Variants in PPP2R2C observed in about 807,000 individuals in gnomAD.
PPP2R2C encodes protein phosphatase 2, regulatory subunit B, gamma.
In PPP2R2C, 10 loss-of-function variants were observed where a neutral mutation model predicts 45.3. That is an observed-to-expected ratio of 0.22 (90% CI 0.14 to 0.37). The LOEUF (loss-of-function observed/expected upper bound fraction) is 0.37. Ranked by LOEUF, PPP2R2C falls within the 10% of genes least tolerant of loss-of-function variation. PPP2R2C has a pLI of 1.00. For missense variants in PPP2R2C, 308 were observed against 619.7 expected (o/e 0.50, Z 5.34); for synonymous variants, 257 against 245.4 (o/e 1.05, Z -0.44).
chr4:6,471,310 C>A lies in PPP2R2C; in HGVS notation c.70+850G>T, dbSNP rs1387371003. ...GTCCCCATCCTCCATCGGGGTCACT[C>A]CGCGGGCCCTGCCTGCGCACGGAAG... On this transcript the variant is annotated intron_variant, in intron 1 of 8. Coordinates refer to ENST00000382599, the MANE Select transcript of PPP2R2C (RefSeq NM_020416.4). This position sits in a 1 kb window ranked among gnomAD's most constrained non-coding sequence, Gnocchi z 5.6. Among the ~76,000 whole-genome samples, 1 of 152,186 alleles carries A rather than the reference C, an allele frequency of 6.6e-6. No homozygotes were observed. The highest frequency in any genetic ancestry group is 1.5e-5 in the Non-Finnish European group (1 of 68,034).
Position 6,444,277 on chromosome 4 carries a change from G to A in PPP2R2C, c.70+27883C>T, listed in dbSNP as rs539907971. ...ACCATTACAGGAGGTCTGCTCCCGC[G>A]GAGATCAGGGAGGCCTGGGCCAGAC... On this transcript the variant is annotated intron_variant, in intron 1 of 8. Transcript: ENST00000382599. 1.1e-4 allele frequency among the ~76,000 whole-genome samples: 16 copies of A among 152,336 alleles called. No homozygotes were observed. The East Asian group carries it at 2.5e-3, about 24-fold the overall frequency.
intron 6 of PPP2R2C, among the ~76,000 whole-genome samples, chr4:6,336,153 C>T (rs893137166): frequency 3.3e-5 from 5 of 152,044 alleles, no homozygotes; most frequent in Admixed American, 6.5e-5. Context: ...AGGTGTTTAA[C>T]GAAACTCAAA....
intron 1 of PPP2R2C, among the ~76,000 whole-genome samples, chr4:6,457,669 C>T (rs1721115295): frequency 1.3e-5 from 2 of 152,086 alleles, no homozygotes; most frequent in Non-Finnish European, 2.9e-5. Context: ...CCACAATGCC[C>T]AACCGGGAAA....
rs796639146 is a variant in PPP2R2C, at chr4:6,329,618, C to T, written c.961-265G>A. The stretch of plus-strand genomic sequence containing the variant: ...CCTGCTCATCTTATCGGGGGGCCCA[C>T]GACCAGGCACACGGCTGACCTCCAC... On this transcript the variant is annotated intron_variant, in intron 7 of 8. Coordinates refer to ENST00000382599, the MANE Select transcript of PPP2R2C (RefSeq NM_020416.4). This position sits in a 1 kb window ranked among gnomAD's most constrained non-coding sequence, Gnocchi z 5.8. Among the ~76,000 whole-genome samples, 5 of 128,882 alleles carry T rather than the reference C, an allele frequency of 3.9e-5. No homozygotes were observed. Among genetic ancestry groups the T allele is most frequent in the Admixed American group, 2.1e-4 (3 of 14,172 alleles). The allele number at this position is 128,882 out of a possible 152,430, so 84.6% of individuals were successfully genotyped here. A position where few individuals can be genotyped will look rare whatever the true frequency, so the allele number is the denominator to read the frequency against.
Position 6,370,000 on chromosome 4 carries a change from A to G in PPP2R2C, c.625+2523T>C, listed in dbSNP as rs553817076. On this transcript the variant is annotated intron_variant, in intron 5 of 8. Coordinates refer to ENST00000382599, the MANE Select transcript of PPP2R2C (RefSeq NM_020416.4). ...TCTAGGGCTTTATGGTTCTTTAGAA[A>G]GGGTTTCGGCATCCATAGTGTCACG... Among the ~76,000 whole-genome samples, 36 of 152,348 alleles carry G rather than the reference A, an allele frequency of 2.4e-4. 2 individuals carry two copies. The South Asian group carries it at 6.2e-3, about 26-fold the overall frequency.
Position 6,345,172 on chromosome 4 carries a change from C to G in PPP2R2C, c.790+2674G>C, listed in dbSNP as rs1036475930. Among the ~76,000 whole-genome samples the G allele has an allele frequency of 6.6e-6, 1 of 152,170 alleles. No individual in the cohort carries two copies. ...CATCCTCCTTCCCACAGGGCTCACA[C>G]GGGGTCAGCAGCGGACCAGGAGCAG... On this transcript the variant is annotated intron_variant, in intron 6 of 8. Coordinates refer to ENST00000382599, the MANE Select transcript of PPP2R2C (RefSeq NM_020416.4). This position sits in a 1 kb window ranked among gnomAD's most constrained non-coding sequence, Gnocchi z 5.3.
intron 1 of PPP2R2C, among the ~76,000 whole-genome samples, chr4:6,386,199 G>A (rs1417890927): frequency 6.6e-6 from 1 of 152,236 alleles, no homozygotes; most frequent in Non-Finnish European, 1.5e-5. Context: ...GCAATTGGGA[G>A]GAACAGCCGG....
chr4:6,457,143 A>G (rs919766629), intron 1 of PPP2R2C, among the ~76,000 whole-genome samples: 2 of 142,960 alleles, frequency 1.4e-5, no homozygotes, highest in African/African-American at 5.0e-5. Flanking sequence ...AGGAGACAGA[A>G]GTTGCAGTGA....
chr4:6,498,838 T>A (rs1261854177), intron 2 of PPP2R2C, among the ~76,000 whole-genome samples: 3 of 152,040 alleles, frequency 2.0e-5, no homozygotes, highest in Non-Finnish European at 2.9e-5. Context: ...TGTTTCTTGA[T>A]GGGGCTGGTA....
chr4:6,337,372 G>A (rs914754688), intron 6 of PPP2R2C, among the ~76,000 whole-genome samples: 1 of 151,714 alleles, frequency 6.6e-6, no homozygotes, highest in Non-Finnish European at 1.5e-5. Flanking sequence ...TAAATGGATG[G>A]AAACAAGGAA....
chr4:6,534,427 AAC>A (rs1174686660), intron 2 of PPP2R2C, among the ~76,000 whole-genome samples: 1 of 149,488 alleles, frequency 6.7e-6, no homozygotes, highest in African/African-American at 2.5e-5. Context: ...CACACACACC[AAC>A]ACATACACAT....
At position 6,323,354 on chromosome 4, in the gene PPP2R2C, G is replaced by A; in HGVS notation, c.1292C>T (p.Ala431Val). 1 of 1,613,492 alleles carries A rather than the reference G, an allele frequency of 6.2e-7. No homozygotes were observed. Among genetic ancestry groups the A allele is most frequent in the Non-Finnish European group, 8.5e-7 (1 of 1,179,486 alleles). Residue 431 changes from alanine (A) to valine (V), a missense_variant, in exon 9 of 9, where the codon GCC (alanine) becomes GTC (valine). By Grantham distance (64) the Ala-to-Val change is moderately conservative. Transcript: ENST00000382599. ...CTGGAAGATGTACAGGTTGTTGGTG[G>A]CGGCGATGGCAATGATGTTCTCAGC... ...HPAENIIAIA[A>V]TNNLYIFQDK...
intron 1 of PPP2R2C, among the ~76,000 whole-genome samples, chr4:6,541,609 C>T (rs536328149): frequency 2.7e-4 from 41 of 152,200 alleles, no homozygotes; most frequent in African/African-American, 9.2e-4. Context: ...TGCAGTGGCG[C>T]GATCTCAGCT....
At chr4:6,333,821 A>G (rs992046712) in intron 6 of PPP2R2C, 90 bp from the exon 7 acceptor site, 2 of 1,385,692 alleles carry the variant, frequency 1.4e-6, no homozygotes, top group Admixed American at 1.8e-5. Context: ...ACCTGGGCCC[A>G]TGCTCTGTTT....
intron 2 of PPP2R2C, among the ~76,000 whole-genome samples, chr4:6,500,968 T>C (rs1401070293): frequency 6.6e-6 from 1 of 152,162 alleles, no homozygotes; most frequent in Non-Finnish European, 1.5e-5. Flanking sequence ...GCAGGAAGCC[T>C]CTCTGGGCAA....
chr4:6,521,325 C>G (rs1560600541), intron 2 of PPP2R2C, among the ~76,000 whole-genome samples: 1 of 152,206 alleles, frequency 6.6e-6, no homozygotes, highest in Non-Finnish European at 1.5e-5. Context: ...ACATGAGCTA[C>G]CATCAATTAG....
chr4:6,332,352 C>CA lies in PPP2R2C; in HGVS notation c.960+1209dup, dbSNP rs1211452703. On this transcript the variant is annotated intron_variant, in intron 7 of 8. Transcript: ENST00000382599. This position sits in a 1 kb window ranked among gnomAD's most constrained non-coding sequence, Gnocchi z 4.9. ...AGGGCTGAGTCCTGCCTGGGGTGTG[C>CA]AGTGTGAGGAGGGGGCCTGAGGGAG... 6.6e-6 allele frequency among the ~76,000 whole-genome samples: 1 copy of CA among 152,094 alleles called. No individual in the cohort carries two copies. Among genetic ancestry groups the CA allele is most frequent in the Non-Finnish European group, 1.5e-5 (1 of 68,008 alleles).
chr4:6,339,129 T>G (rs1282461618), intron 6 of PPP2R2C, among the ~76,000 whole-genome samples: 2 of 152,254 alleles, frequency 1.3e-5, no homozygotes, highest in Non-Finnish European at 2.9e-5. Flanking sequence ...CTGCTTTCTG[T>G]GCATATTGTT....
At chr4:6,412,874 G>A (rs1213186794) in intron 1 of PPP2R2C, among the ~76,000 whole-genome samples, 1 of 152,200 alleles carries the variant, frequency 6.6e-6, no homozygotes, top group East Asian at 1.9e-4. Context: ...TCCCCCATGT[G>A]AGGACACAAC....
Sources: allele counts gnomAD v4.1 joint callset (sites outside exome capture counted in the v4.1 genomes callset), GRCh38; gene constraint gnomAD v4.1.1; non-coding constraint Gnocchi (gnomAD v3.1); transcripts MANE v1.5; gene names NCBI Gene and HGNC (gene_info 2026-07-23, HGNC 2026-07-21).